Variants in NUMB observed in about 807,000 individuals in gnomAD.
NUMB encodes the protein NUMB endocytic adaptor protein, also known as protein numb homolog.
Under a neutral mutation model 59.7 loss-of-function variants are expected in NUMB, and 29 were observed. The observed-to-expected ratio is 0.49, with a 90% CI of 0.36 to 0.66. The LOEUF is 0.66. Among genes scored for constraint, NUMB ranks in the 30% least tolerant of loss-of-function variants. The probability of loss-of-function intolerance (pLI) is 0.00; values close to 1 mark genes in which losing one functional copy is unlikely to be tolerated. For synonymous variants in NUMB, 288 were observed against 288.2 expected (o/e 1.00, Z 0.01); for missense variants, 723 against 822.0 (o/e 0.88, Z 1.47).
chr14:73,386,137 T>A (rs1895513082), intron 2 of NUMB, among the ~76,000 whole-genome samples: 1 of 152,066 alleles, frequency 6.6e-6, no homozygotes, highest in African/African-American at 2.4e-5. Flanking sequence ...TCAGCTATTG[T>A]TGAGGCAGGA....
intron 2 of NUMB, among the ~76,000 whole-genome samples, chr14:73,373,998 A>C (rs1270749694): frequency 6.6e-6 from 1 of 151,908 alleles, no homozygotes; most frequent in African/African-American, 2.4e-5. Flanking sequence ...CTTCCCTAGT[A>C]GCTGGGATTA....
chr14:73,431,291 T>A (rs1266184840), intron 1 of NUMB, among the ~76,000 whole-genome samples: 2 of 149,240 alleles, frequency 1.3e-5, no homozygotes, highest in African/African-American at 2.5e-5. Flanking sequence ...AGTCTCACTC[T>A]GTCACACAGG....
intron 1 of NUMB, among the ~76,000 whole-genome samples, chr14:73,428,530 G>A (rs1287746276): frequency 1.3e-5 from 2 of 152,156 alleles, no homozygotes; most frequent in Non-Finnish European, 2.9e-5. Flanking sequence ...ACAGCGCCTC[G>A]TGTCTGTAAT....
chr14:73,443,405 G>A lies in NUMB; in HGVS notation c.-233+15088C>T, dbSNP rs539182020. The stretch of plus-strand genomic sequence containing the variant: ...GAGGTCAGGAGTTCCAGACCAGCCT[G>A]GCCAACATGGTGAAACCCCATCTCT... On this transcript the variant is annotated intron_variant, in intron 1 of 12. Coordinates refer to ENST00000555238, the MANE Select transcript of NUMB (RefSeq NM_001005743.2). 2.0e-5 allele frequency among the ~76,000 whole-genome samples: 3 copies of A among 152,092 alleles called. No homozygotes were observed. In the East Asian group the frequency reaches 5.9e-4, roughly 30 times the overall value.
At chr14:73,290,491 A>G (rs920576603) in intron 8 of NUMB, among the ~76,000 whole-genome samples, 3 of 152,350 alleles carry the variant, frequency 2.0e-5, no homozygotes, top group Middle Eastern at 3.4e-3. Flanking sequence ...ACTGAAACCC[A>G]TATCTGACTC....
At chr14:73,359,188 C>T (rs1169674638) in intron 3 of NUMB, among the ~76,000 whole-genome samples, 1 of 152,154 alleles carries the variant, frequency 6.6e-6, no homozygotes, top group Non-Finnish European at 1.5e-5. Flanking sequence ...TGATATCTTG[C>T]TTACTATTTC....
intron 2 of NUMB, among the ~76,000 whole-genome samples, chr14:73,404,287 T>TAAC (rs1566782383): frequency 1.3e-5 from 2 of 149,768 alleles, no homozygotes; most frequent in African/African-American, 2.5e-5. Context: ...ATAATAATAA[T>TAAC]AACATGCTTC....
At chr14:73,281,246 C>T (rs1306674324) in intron 11 of NUMB, among the ~76,000 whole-genome samples, 3 of 145,856 alleles carry the variant, frequency 2.1e-5, no homozygotes, top group East Asian at 2.0e-4. Context: ...CTCTGAGCCT[C>T]TTTTTTTTTT....
At chr14:73,401,719 G>A (rs1896427824) in intron 2 of NUMB, among the ~76,000 whole-genome samples, 1 of 151,874 alleles carries the variant, frequency 6.6e-6, no homozygotes, top group Non-Finnish European at 1.5e-5. Context: ...ACAGGTGCCT[G>A]CCACCACGCC....
At chr14:73,457,155 C>CTT (rs2140220783) in intron 1 of NUMB, among the ~76,000 whole-genome samples, 1 of 152,234 alleles carries the variant, frequency 6.6e-6, no homozygotes, top group East Asian at 1.9e-4. Flanking sequence ...GAACTCAAAA[C>CTT]TTCTTTTCAC....
At chr14:73,342,339 G>T (rs1258386078) in intron 4 of NUMB, among the ~76,000 whole-genome samples, 1 of 152,164 alleles carries the variant, frequency 6.6e-6, no homozygotes, top group South Asian at 2.1e-4. Flanking sequence ...TACTACACAT[G>T]GCTGACATTA....
intron 6 of NUMB, among the ~76,000 whole-genome samples, chr14:73,315,231 C>T (rs1006802616): frequency 3.9e-4 from 59 of 151,992 alleles, no homozygotes; most frequent in Non-Finnish European, 7.5e-4. Context: ...TTCTTTAAAA[C>T]AAAGTTCCAA....
intron 4 of NUMB, among the ~76,000 whole-genome samples, chr14:73,343,910 A>G (rs970593404): frequency 6.6e-6 from 1 of 152,210 alleles, no homozygotes; most frequent in Non-Finnish European, 1.5e-5. Flanking sequence ...GTAAAGCTTT[A>G]ATAGTATTCG....
At chr14:73,281,775 C>A (rs751337032) in intron 11 of NUMB, among the ~76,000 whole-genome samples, 16 of 152,176 alleles carry the variant, frequency 1.1e-4, no homozygotes, top group Non-Finnish European at 2.2e-4. Flanking sequence ...TTTGACAGGG[C>A]AGAGACTAGG....
chr14:73,379,464 C>T (rs533853575), intron 2 of NUMB, among the ~76,000 whole-genome samples: 1 of 151,854 alleles, frequency 6.6e-6, no homozygotes, highest in Non-Finnish European at 1.5e-5. Context: ...GAGAGACTGT[C>T]AAAATAATGA....
At chr14:73,418,065 A>T (rs1897205926) in intron 1 of NUMB, among the ~76,000 whole-genome samples, 1 of 152,102 alleles carries the variant, frequency 6.6e-6, no homozygotes, top group Non-Finnish European at 1.5e-5. Flanking sequence ...AGATCATGCC[A>T]CTGTACTCCA....
At chr14:73,431,258 C>CTT (rs546689222) in intron 1 of NUMB, among the ~76,000 whole-genome samples, 64 of 127,394 alleles carry the variant, frequency 5.0e-4, no homozygotes, top group African/African-American at 1.6e-3. Flanking sequence ...CTTGGCTTTT[C>CTT]TTTTTTTTTT....
chr14:73,393,943 G>A (rs1395572215), intron 2 of NUMB, among the ~76,000 whole-genome samples: 2 of 152,040 alleles, frequency 1.3e-5, no homozygotes, highest in Admixed American at 6.6e-5. Flanking sequence ...TTAATTTTTT[G>A]TTAAGGTATA....
chr14:73,429,447 T>C (rs548074254), intron 1 of NUMB, among the ~76,000 whole-genome samples: 1 of 152,298 alleles, frequency 6.6e-6, no homozygotes, highest in East Asian at 1.9e-4. Context: ...TCACACAGTA[T>C]GTGGCCTTTT....
Sources: gnomAD v4.1 joint callset for allele counts (sites outside exome capture counted in the v4.1 genomes callset) on GRCh38, gnomAD v4.1.1 for gene constraint, MANE v1.5 for transcripts, NCBI Gene and HGNC (gene_info 2026-07-23, HGNC 2026-07-21) for gene names.